The following ARHGEF7 variants were observed in gnomAD, a reference collection of about 807,000 sequenced individuals.
ARHGEF7 encodes Rho guanine nucleotide exchange factor 7.
In ARHGEF7, 33 loss-of-function variants were observed where a neutral mutation model predicts 109.8. The observed-to-expected ratio is 0.30, with a 90% confidence interval of 0.23 to 0.40. The LOEUF is 0.40. ARHGEF7 is among the 10% of genes least tolerant of loss of function. The pLI, the probability that ARHGEF7 is intolerant of heterozygous loss-of-function variation, is 1.00. For synonymous variants in ARHGEF7, 458 were observed against 424.6 expected, an observed-to-expected ratio of 1.08 and a Z score of -0.97; for missense variants, 938 against 1,098.5, an observed-to-expected ratio of 0.85 and a Z score of 2.07.
intron 10 of ARHGEF7, 81 bp downstream of exon 10, chr13:111,274,033 A>G: frequency 6.7e-7 from 1 of 1,498,990 alleles, no homozygotes; most frequent in Non-Finnish European, 9.1e-7. Flanking sequence ...AGAAAGTATT[A>G]TTCATGATTT....
At chr13:111,300,927 CG>C in intron 20 of ARHGEF7, 80 bp downstream of exon 20, 2 of 789,844 alleles carry the variant, frequency 2.5e-6, no homozygotes, top group Non-Finnish European at 3.9e-6. Context: ...TCCCTGAGGG[CG>C]GGGGTATGGC....
At chr13:111,160,618 G>A (rs1594116342) in intron 2 of ARHGEF7, among the ~76,000 whole-genome samples, 1 of 152,204 alleles carries the variant, frequency 6.6e-6, no homozygotes, top group East Asian at 1.9e-4. Context: ...TTAGAGATCA[G>A]CCTGGGCTAC....
intron 1 of ARHGEF7, among the ~76,000 whole-genome samples, chr13:111,126,660 A>G (rs1311872596): frequency 6.6e-6 from 1 of 152,214 alleles, no homozygotes; most frequent in Admixed American, 6.5e-5. Flanking sequence ...AGAAAAATAA[A>G]AGTTCATTTA....
intron 13 of ARHGEF7, 22 bp downstream of exon 13, chr13:111,277,695 T>C: frequency 6.9e-7 from 1 of 1,448,850 alleles, no homozygotes; most frequent in African/African-American, 1.4e-5. Context: ...TTTAAATTTA[T>C]ATTTTATTGT....
intron 5 of ARHGEF7, among the ~76,000 whole-genome samples, chr13:111,231,273 A>G (rs1014765479): frequency 2.0e-5 from 3 of 152,242 alleles, no homozygotes; most frequent in African/African-American, 4.8e-5. Flanking sequence ...TTAGCTGTAG[A>G]AAAGAGATTG....
chr13:111,147,268 C>T (rs1407250228), intron 1 of ARHGEF7, among the ~76,000 whole-genome samples: 2 of 152,130 alleles, frequency 1.3e-5, no homozygotes, highest in Non-Finnish European at 2.9e-5. Flanking sequence ...TTGCAAGAAA[C>T]GGCCAGTTTT....
intron 1 of ARHGEF7, among the ~76,000 whole-genome samples, chr13:111,138,910 CTT>C (rs1197426217): frequency 1.3e-5 from 2 of 152,110 alleles, no homozygotes; most frequent in Non-Finnish European, 2.9e-5. Context: ...TTCCCTGTGG[CTT>C]TGCTGAAGCC....
At chr13:111,215,750 C>T (rs776467688) in intron 4 of ARHGEF7, among the ~76,000 whole-genome samples, 3 of 152,162 alleles carry the variant, frequency 2.0e-5, no homozygotes, top group Non-Finnish European at 4.4e-5. Flanking sequence ...CTTCTCTTCC[C>T]GATTAACTAA....
rs924653417 is a variant in ARHGEF7 at position 111,243,721 on chromosome 13, G to A, written c.760-151G>A. The A allele has an allele frequency of 3.7e-5, 22 of 590,190 alleles. No individual in the cohort carries two copies. In the Middle Eastern group the frequency reaches 1.3e-3, roughly 36 times the overall value. 36.6% of individuals were successfully genotyped at this position (590,190 alleles called of 1,614,324 possible). Reference sequence around the variant, plus strand: ...TACATGGGTTTAACAGTCAATAATTGCAAAGAATGATGATGATACTCAACA... The same window carrying A: ...TACATGGGTTTAACAGTCAATAATTACAAAGAATGATGATGATACTCAACA... On this transcript the variant is annotated intron_variant, in intron 6 of 21. Coordinates refer to ENST00000646102, the MANE Select transcript of ARHGEF7 (RefSeq NM_001354046.2).
chr13:111,291,647 TC>T (rs1248495184), intron 18 of ARHGEF7, among the ~76,000 whole-genome samples: 1 of 152,256 alleles, frequency 6.6e-6, no homozygotes, highest in Non-Finnish European at 1.5e-5. Flanking sequence ...ATTTGATACA[TC>T]TGTTTATTGA....
In ARHGEF7 at chr13:111,272,354, T is replaced by G. The variant is rs2092221834; in HGVS notation, c.1074-1460T>G. On this transcript the variant is annotated intron_variant, in intron 9 of 21. Transcript: ENST00000646102. The surrounding 1 kb of genome is among the most constrained non-coding windows in gnomAD (Gnocchi z 5.2). Reference sequence around the variant, plus strand: ...CCGGGAGCCCTTGATGGTTCTGGTGTCCCCGAGACCTCTGGCAGTAGCCAG... The same window carrying G: ...CCGGGAGCCCTTGATGGTTCTGGTGGCCCCGAGACCTCTGGCAGTAGCCAG... Among the ~76,000 whole-genome samples the G allele has an allele frequency of 2.0e-5, 3 of 152,172 alleles. No individual in the cohort carries two copies. Among genetic ancestry groups the G allele is most frequent in the Admixed American group, 2.0e-4 (3 of 15,286 alleles).
intron 6 of ARHGEF7, among the ~76,000 whole-genome samples, chr13:111,237,156 C>G (rs1265120804): frequency 6.6e-6 from 1 of 152,086 alleles, no homozygotes; most frequent in Non-Finnish European, 1.5e-5. Flanking sequence ...ATATTCCTTG[C>G]CTCAAACAGT....
intron 15 of ARHGEF7, among the ~76,000 whole-genome samples, chr13:111,282,585 C>T (rs1473587112): frequency 2.0e-5 from 3 of 152,234 alleles, no homozygotes; most frequent in Admixed American, 1.3e-4. Context: ...AGGCCTCTTG[C>T]AGCTGTACTC....
intron 5 of ARHGEF7, among the ~76,000 whole-genome samples, 198 bp downstream of exon 5, chr13:111,218,078 C>G (rs944539362): frequency 7.2e-5 from 11 of 152,206 alleles, no homozygotes; most frequent in Non-Finnish European, 1.5e-4. Flanking sequence ...TAGTTACTAG[C>G]CAGCATTTCC....
At position 111,273,756 on chromosome 13, in the gene ARHGEF7, A is replaced by G. The variant is rs183166689; in HGVS notation, c.1074-58A>G. On this transcript the variant is annotated intron_variant, in intron 9 of 21. Coordinates refer to ENST00000646102, the MANE Select transcript of ARHGEF7 (RefSeq NM_001354046.2). The surrounding 1 kb of genome is among the most constrained non-coding windows in gnomAD (Gnocchi z 4.5). ...TGGCTGTTGCTCATGGAGATGAGAG[A>G]GCCACCATTGTCTCTCATTGCTAAC... The G allele has an allele frequency of 2.1e-5, 33 of 1,602,326 alleles. No homozygotes were observed. The African/African-American group carries it at 3.7e-4, about 18-fold the overall frequency.
chr13:111,269,874 T>C (rs1311810183), intron 9 of ARHGEF7, among the ~76,000 whole-genome samples: 2 of 152,244 alleles, frequency 1.3e-5, no homozygotes, highest in African/African-American at 4.8e-5. Context: ...CCTGCCTTTG[T>C]ACTTGGATTC....
chr13:111,167,425 T>C (rs1348481621), intron 2 of ARHGEF7, among the ~76,000 whole-genome samples: 1 of 152,220 alleles, frequency 6.6e-6, no homozygotes, highest in African/African-American at 2.4e-5. Context: ...TGTTTCTTCT[T>C]GGTCTTTACT....
intron 2 of ARHGEF7, among the ~76,000 whole-genome samples, chr13:111,168,717 A>G (rs2077332183): frequency 6.6e-6 from 1 of 152,242 alleles, no homozygotes; most frequent in Admixed American, 6.5e-5. Context: ...GAAGCTTGAG[A>G]GATGATTTTT....
At chr13:111,244,848 G>C (rs1012116205) in intron 8 of ARHGEF7, among the ~76,000 whole-genome samples, 1 of 152,228 alleles carries the variant, frequency 6.6e-6, no homozygotes, top group Non-Finnish European at 1.5e-5. Flanking sequence ...TCACCAGTGA[G>C]AAATAAGTTT....
Sources: gnomAD v4.1 joint callset for allele counts (sites outside exome capture counted in the v4.1 genomes callset) on GRCh38, gnomAD v4.1.1 for gene constraint, Gnocchi (gnomAD v3.1) non-coding constraint, MANE v1.5 for transcripts, NCBI Gene and HGNC (gene_info 2026-07-23, HGNC 2026-07-21) for gene names.